BRD10: variants seen among roughly 807,000 people sequenced by gnomAD.
BRD10 encodes uncharacterized bromodomain-containing protein 10.
chr9:6,003,978 G>C, the BRD10 span, among the ~76,000 whole-genome samples: 1 of 152,192 alleles, frequency 6.6e-6, no homozygotes, highest in African/African-American at 2.4e-5. Context: ...GAAGCATACA[G>C]AAGTATTTGT....
chr9:5,994,902 T>TA, the BRD10 span, among the ~76,000 whole-genome samples: 1 of 139,796 alleles, frequency 7.2e-6, no homozygotes, highest in East Asian at 2.1e-4. Context: ...ATCATTTTTC[T>TA]TTTTTTTTTT....
chr9:5,968,141 T>G, the BRD10 span: 1 of 1,585,960 alleles, frequency 6.3e-7, no homozygotes. Context: ...TAAGTTTTCA[T>G]TCAAAACATC....
At chr9:5,954,296 A>T in the BRD10 span, among the ~76,000 whole-genome samples, 1 of 152,234 alleles carries the variant, frequency 6.6e-6, no homozygotes, top group Admixed American at 6.5e-5. Context: ...CATATTAACA[A>T]ATGCTGTTTT....
chr9:5,997,078 T>A, the BRD10 span, among the ~76,000 whole-genome samples: 1 of 152,286 alleles, frequency 6.6e-6, no homozygotes, highest in South Asian at 2.1e-4. Context: ...ATTCAGACAA[T>A]GGCACAAGGA....
the BRD10 span, among the ~76,000 whole-genome samples, chr9:5,947,574 AAACT>A: frequency 5.9e-5 from 9 of 152,060 alleles, no homozygotes; most frequent in Non-Finnish European, 1.0e-4. Context: ...TTATATATTA[AAACT>A]AATATATATT....
At chr9:5,911,325 G>C in the BRD10 span, among the ~76,000 whole-genome samples, 1 of 150,148 alleles carries the variant, frequency 6.7e-6, no homozygotes, top group South Asian at 2.1e-4. Flanking sequence ...TATGTTCTTG[G>C]CACCTTTGTT....
chr9:6,002,829 A>G, the BRD10 span, among the ~76,000 whole-genome samples: 1 of 151,874 alleles, frequency 6.6e-6, no homozygotes, highest in African/African-American at 2.4e-5. Flanking sequence ...GGTGTGTGCC[A>G]CTACACCTGG....
chr9:5,970,026 CAGT>C, the BRD10 span, among the ~76,000 whole-genome samples: 7 of 152,152 alleles, frequency 4.6e-5, no homozygotes, highest in Non-Finnish European at 1.0e-4. Flanking sequence ...AATGAAAGCA[CAGT>C]AGAATTTGAT....
the BRD10 span, among the ~76,000 whole-genome samples, chr9:5,996,519 G>A: frequency 6.6e-6 from 1 of 152,078 alleles, no homozygotes; most frequent in African/African-American, 2.4e-5. Context: ...GGATTTCACA[G>A]GGTCTCTCAC....
chr9:5,897,613 G>GT, the BRD10 span: 2 of 1,614,140 alleles, frequency 1.2e-6, no homozygotes, highest in Non-Finnish European at 1.7e-6. Flanking sequence ...CTCATCGGCT[G>GT]TTGGTATTGT....
At chr9:5,940,578 G>A in the BRD10 span, among the ~76,000 whole-genome samples, 4 of 152,164 alleles carry the variant, frequency 2.6e-5, no homozygotes, top group African/African-American at 4.8e-5. Flanking sequence ...CTATATAACA[G>A]TGTGTTAATA....
the BRD10 span, chr9:5,909,259 T>C: frequency 0.6 from 90,710 of 152,406 alleles, 28,386 homozygotes; most frequent in Non-Finnish European, 0.72. Flanking sequence ...GTAAAGATCC[T>C]ATAGCTCTTT....
At chr9:5,921,880 T>G in the BRD10 span, 1 of 1,613,948 alleles carries the variant, frequency 6.2e-7, no homozygotes, top group Non-Finnish European at 8.5e-7. Flanking sequence ...TGTGGCCTAA[T>G]GTAAGTTTGA....
At chr9:5,930,660 GA>G in the BRD10 span, among the ~76,000 whole-genome samples, 2 of 151,846 alleles carry the variant, frequency 1.3e-5, no homozygotes, top group African/African-American at 4.8e-5. Context: ...ATGGTATGAT[GA>G]ATCAAAGAAT....
At chr9:5,907,069 C>T in the BRD10 span, 1 of 1,059,328 alleles carries the variant, frequency 9.4e-7, no homozygotes, top group East Asian at 2.8e-5. Flanking sequence ...ACAATTATTT[C>T]CATTTAAAAA....
the BRD10 span, among the ~76,000 whole-genome samples, chr9:5,981,783 C>T: frequency 1.1e-4 from 16 of 152,180 alleles, no homozygotes; most frequent in Admixed American, 9.2e-4. Context: ...GAAATACAGT[C>T]ACATGATGTA....
At chr9:5,960,495 G>T in the BRD10 span, among the ~76,000 whole-genome samples, 1 of 151,648 alleles carries the variant, frequency 6.6e-6, no homozygotes, top group East Asian at 1.9e-4. Context: ...CCAGGAGGTG[G>T]AGGTTGCAGT....
At chr9:5,890,116 G>A in the BRD10 span, among the ~76,000 whole-genome samples, 3 of 152,182 alleles carry the variant, frequency 2.0e-5, no homozygotes, top group East Asian at 5.8e-4. Flanking sequence ...AGATGAGGGA[G>A]GGAATAGGGA....
the BRD10 span, among the ~76,000 whole-genome samples, chr9:5,965,068 A>G: frequency 4.0e-5 from 6 of 151,018 alleles, no homozygotes; most frequent in South Asian, 2.1e-4. Context: ...AAAAAAAAAA[A>G]AAAAAGAAAA....
Sources: gnomAD v4.1 joint callset for allele counts (sites outside exome capture counted in the v4.1 genomes callset) on GRCh38, gnomAD v4.1.1 for gene constraint, MANE v1.5 for transcripts, NCBI Gene and HGNC (gene_info 2026-07-23, HGNC 2026-07-21) for gene names.